CEP135: variants seen among roughly 807,000 people sequenced by gnomAD.
CEP135 encodes the protein centrosomal protein 135.
Under a neutral mutation model 157.3 loss-of-function variants are expected in CEP135, and 142 were observed. That is an observed-to-expected ratio of 0.90 (90% confidence interval 0.79 to 1.04). The LOEUF (loss-of-function observed/expected upper bound fraction) is 1.04, where lower values mean the gene tolerates loss of function less well. Among genes scored for constraint, CEP135 ranks in the 50% least tolerant of loss-of-function variants. CEP135 has a pLI of 0.00. For synonymous variants in CEP135, 396 were observed against 439.8 expected, an observed-to-expected ratio of 0.90 and a Z score of 1.25; for missense variants, 1,317 against 1,309.2, an observed-to-expected ratio of 1.01 and a Z score of -0.09.
At chr4:55,957,431 A>G in intron 5 of CEP135, 67 bp downstream of exon 5, 3 of 1,493,402 alleles carry the variant, frequency 2.0e-6, no homozygotes, top group Non-Finnish European at 2.7e-6. Flanking sequence ...GTTTCTTGAT[A>G]GGAGGGCTTT....
chr4:55,985,091 G>A (rs1370856580), intron 13 of CEP135, among the ~76,000 whole-genome samples, 190 bp from the exon 14 acceptor site: 1 of 152,158 alleles, frequency 6.6e-6, no homozygotes, highest in Non-Finnish European at 1.5e-5. Flanking sequence ...AGATGAGAAC[G>A]TATTGTGCCT....
At chr4:56,016,123 C>T (rs1333449960) in intron 21 of CEP135, among the ~76,000 whole-genome samples, 1 of 151,988 alleles carries the variant, frequency 6.6e-6, no homozygotes, top group Non-Finnish European at 1.5e-5. Flanking sequence ...AAGATGGAGG[C>T]AGAGATTGGA....
intron 25 of CEP135, among the ~76,000 whole-genome samples, chr4:56,028,987 G>T (rs1731244004): frequency 6.6e-6 from 1 of 152,146 alleles, no homozygotes; most frequent in African/African-American, 2.4e-5. Context: ...GACTGAAGAG[G>T]TTTCCACAGC....
intron 22 of CEP135, among the ~76,000 whole-genome samples, chr4:56,018,485 C>T (rs1050874923): frequency 1.3e-5 from 2 of 152,050 alleles, no homozygotes; most frequent in African/African-American, 2.4e-5. Flanking sequence ...AGGCCAGGTA[C>T]GATAGCTTAC....
At chr4:55,952,024 C>G in intron 1 of CEP135, 62 bp from the exon 2 acceptor site, 1 of 544,578 alleles carries the variant, frequency 1.8e-6, no homozygotes, top group Non-Finnish European at 3.3e-6. Context: ...ATTTTTTCTT[C>G]TTATTGTGAA....
chr4:55,983,629 C>T (rs1039326852), intron 13 of CEP135, among the ~76,000 whole-genome samples: 1 of 145,976 alleles, frequency 6.9e-6, no homozygotes, highest in Non-Finnish European at 1.5e-5. Flanking sequence ...CAAATCTTCA[C>T]AATAGCCTCT....
chr4:55,974,731 C>T lies in CEP135; in HGVS notation c.1250-15C>T. 6.3e-7 allele frequency: 1 copy of T among 1,582,384 alleles called. No individual in the cohort carries two copies. The highest frequency in any genetic ancestry group is 8.6e-7 in the Non-Finnish European group (1 of 1,157,216). ...ATACAACATTATTTTAAGAGTTAACCACTTTAATTTACAGAACGACAACTT... is the reference window on the plus strand; with the variant it reads ...ATACAACATTATTTTAAGAGTTAACTACTTTAATTTACAGAACGACAACTT... On this transcript the variant is annotated splice_polypyrimidine_tract_variant and intron_variant, in intron 10 of 25. Coordinates refer to ENST00000257287, the MANE Select transcript of CEP135 (RefSeq NM_025009.5).
rs1316495137 is a variant in CEP135 at position 55,974,743 on chromosome 4, C to T, written c.1250-3C>T. 1 of 1,605,832 alleles carries T rather than the reference C, an allele frequency of 6.2e-7. No homozygotes were observed. Among genetic ancestry groups the T allele is most frequent in the South Asian group, 1.1e-5 (1 of 89,294 alleles). ...TTTAAGAGTTAACCACTTTAATTTA[C>T]AGAACGACAACTTACTCTGGAGGTT... is the stretch of plus-strand genomic sequence containing the variant. On this transcript the variant is annotated splice_polypyrimidine_tract_variant and splice_region_variant and intron_variant, in intron 10 of 25. Coordinates refer to ENST00000257287, the MANE Select transcript of CEP135 (RefSeq NM_025009.5).
At chr4:55,994,389 A>G (rs908671282) in intron 15 of CEP135, among the ~76,000 whole-genome samples, 2 of 152,134 alleles carry the variant, frequency 1.3e-5, no homozygotes, top group African/African-American at 4.8e-5. Context: ...TCTGCAAAAA[A>G]TACAAAAGTC....
intron 10 of CEP135, among the ~76,000 whole-genome samples, chr4:55,973,864 C>G (rs1271838496): frequency 6.6e-6 from 1 of 152,124 alleles, no homozygotes; most frequent in Non-Finnish European, 1.5e-5. Flanking sequence ...TCATTCACCT[C>G]TGTTATGCTG....
rs1213909577 is a variant in CEP135, at chr4:56,021,167, A to G, written c.3320+387A>G. ...AATCCCTATAAGAGCTCCAAAATGT[A>G]TGGTTCAAGTAGGATGTTCCACATA... On this transcript the variant is annotated intron_variant, in intron 24 of 25. Transcript: ENST00000257287. 5.8e-4 allele frequency among the ~76,000 whole-genome samples: 89 copies of G among 152,350 alleles called. 3 individuals carry two copies. Among genetic ancestry groups the G allele is most frequent in the Non-Finnish European group, 1.0e-4 (7 of 68,016 alleles).
At chr4:56,013,569 CAT>C (rs1730666472) in intron 21 of CEP135, among the ~76,000 whole-genome samples, 1 of 152,098 alleles carries the variant, frequency 6.6e-6, no homozygotes, top group African/African-American at 2.4e-5. Context: ...AGCCCAGCAT[CAT>C]TTTTTTGCAT....
chr4:55,971,297 G>T lies in CEP135; in HGVS notation c.1138G>T (p.Glu380Ter). Residue 380 changes from glutamate (E) to a stop codon, truncating the protein, a stop_gained, in exon 10 of 26, where the codon GAG (glutamate) becomes TAG (stop). Transcript: ENST00000257287. LOFTEE classifies it high-confidence loss of function. ...ATTGAACTTATGCCAGAAAGAAAAG[G>T]AGAGACTGAGTGATGAACTCCTTGT... Reference protein sequence around the residue: ...LELNLCQKEKERLSDELLVKS... With the variant: ...LELNLCQKEK 1 of 1,598,692 alleles carries T rather than the reference G, an allele frequency of 6.3e-7. No individual in the cohort carries two copies. Among genetic ancestry groups the T allele is most frequent in the South Asian group, 1.1e-5 (1 of 87,396 alleles).
intron 25 of CEP135, 137 bp downstream of exon 25, chr4:56,024,751 A>G (rs539986727): frequency 1.2e-4 from 75 of 627,180 alleles, no homozygotes; most frequent in East Asian, 8.6e-4. Flanking sequence ...GAAAAGTTCT[A>G]TATCTTGGTG....
intron 1 of CEP135, among the ~76,000 whole-genome samples, chr4:55,951,505 C>A (rs972013955): frequency 6.6e-6 from 1 of 152,190 alleles, no homozygotes; most frequent in African/African-American, 2.4e-5. Context: ...CATTTCATAT[C>A]ATCATTCCCA....
rs777840867 is a variant in CEP135 at position 55,954,397 on chromosome 4, T to C, written c.472+14T>C. 3 of 1,577,458 alleles carry C rather than the reference T, an allele frequency of 1.9e-6. No homozygotes were observed. Among genetic ancestry groups the C allele is most frequent in the Non-Finnish European group, 1.7e-6 (2 of 1,166,188 alleles). ...TACAAACTCCAGGTAAATCGATTCC[T>C]TCTCGAGACAAATTATACACATTTA... is the stretch of plus-strand genomic sequence containing the variant. On this transcript the variant is annotated intron_variant, in intron 4 of 25. Transcript: ENST00000257287.
intron 24 of CEP135, among the ~76,000 whole-genome samples, chr4:56,021,753 G>A (rs574162423): frequency 3.3e-5 from 5 of 152,280 alleles, no homozygotes; most frequent in Non-Finnish European, 5.9e-5. Context: ...GGCCTGGCTT[G>A]GTGGCTCATG....
At position 55,956,913 on chromosome 4, in the gene CEP135, C is replaced by A. The variant is rs554296022; in HGVS notation, c.473-310C>A. 9.2e-4 allele frequency among the ~76,000 whole-genome samples: 140 copies of A among 152,188 alleles called. 1 individual carries two copies. Among genetic ancestry groups the A allele is most frequent in the African/African-American group, 3.3e-3 (135 of 41,518 alleles). ...ATAGGTGTGAGCCGCCATACCTGGCCGCATTCAGCTTTTAAACTTGCCAAA... is the reference window on the plus strand; with the variant it reads ...ATAGGTGTGAGCCGCCATACCTGGCAGCATTCAGCTTTTAAACTTGCCAAA... On this transcript the variant is annotated intron_variant, in intron 4 of 25. Coordinates refer to ENST00000257287, the MANE Select transcript of CEP135 (RefSeq NM_025009.5).
At position 55,953,204 on chromosome 4, in the gene CEP135, T is replaced by G. The variant is rs1193742602; in HGVS notation, c.233T>G (p.Leu78Trp). The G allele has an allele frequency of 6.2e-7, 1 of 1,601,892 alleles. No individual in the cohort carries two copies. Residue 78 changes from leucine to tryptophan, a missense_variant, in exon 3 of 26, where the codon TTG (leucine) becomes TGG (tryptophan). Coordinates refer to ENST00000257287, the MANE Select transcript of CEP135 (RefSeq NM_025009.5). ...LEPYKLENARLSRENNELYLE... is the reference protein window; with the variant it reads ...LEPYKLENARWSRENNELYLE... ...CCCTATAAACTTGAAAATGCAAGATTGAGTAGAGAAAATAATGAATTATAC... is the reference window on the plus strand; with the variant it reads ...CCCTATAAACTTGAAAATGCAAGATGGAGTAGAGAAAATAATGAATTATAC...
Sources: gnomAD v4.1 joint callset for allele counts (sites outside exome capture counted in the v4.1 genomes callset) on GRCh38, gnomAD v4.1.1 for gene constraint, MANE v1.5 for transcripts, NCBI Gene and HGNC (gene_info 2026-07-23, HGNC 2026-07-21) for gene names.